Variants in TCF4 observed in about 807,000 individuals in gnomAD.
TCF4 encodes transcription factor 4.
TCF4 carries 3 observed loss-of-function variants against 82.1 expected under a neutral mutation model. The ratio of observed to expected loss-of-function variants is 0.04; its 90% confidence interval spans 0.02 to 0.09. The LOEUF (loss-of-function observed/expected upper bound fraction) is 0.09. Ranked by LOEUF, TCF4 falls within the 10% of genes least tolerant of loss-of-function variation. The pLI, the probability that TCF4 is intolerant of heterozygous loss-of-function variation, is 1.00. For missense variants in TCF4, 518 were observed against 852.7 expected (o/e 0.61, Z 4.89); for synonymous variants, 276 against 309.6 (o/e 0.89, Z 1.14).
At chr18:55,492,612 G>A (rs879099536) in intron 3 of TCF4, among the ~76,000 whole-genome samples, 5 of 152,130 alleles carry the variant, frequency 3.3e-5, no homozygotes, top group African/African-American at 1.2e-4. Flanking sequence ...TGTAAATTAG[G>A]CAAGCCTGCC....
chr18:55,379,557 G>A (rs540051051), intron 6 of TCF4, among the ~76,000 whole-genome samples: 2 of 152,132 alleles, frequency 1.3e-5, no homozygotes, highest in Non-Finnish European at 2.9e-5. Context: ...AGAAGAGGAG[G>A]GAGGAAGGGG....
At chr18:55,624,268 A>G (rs923853726) in intron 2 of TCF4, among the ~76,000 whole-genome samples, 1 of 151,844 alleles carries the variant, frequency 6.6e-6, no homozygotes, top group African/African-American at 2.4e-5. Context: ...TTGTATTTGA[A>G]GAGACCTCCA....
intron 3 of TCF4, among the ~76,000 whole-genome samples, chr18:55,543,001 A>G (rs796914383): frequency 7.2e-5 from 11 of 152,192 alleles, no homozygotes; most frequent in African/African-American, 2.6e-4. Flanking sequence ...AGGTTTGCAC[A>G]TATATTCTCC....
chr18:55,592,385 A>G (rs2097686518), upstream of TCF4, among the ~76,000 whole-genome samples: 1 of 152,066 alleles, frequency 6.6e-6, no homozygotes, highest in African/African-American at 2.4e-5. Flanking sequence ...CTGGCTTGCA[A>G]ATGATTACCT....
At chr18:55,266,442 G>A (rs1397124342) in intron 11 of TCF4, 1 of 152,118 alleles carries the variant, frequency 6.6e-6, no homozygotes, top group Non-Finnish European at 1.5e-5. Flanking sequence ...TTAACTGGGT[G>A]CGCCACCAGC....
In TCF4 at chr18:55,257,408, A is replaced by G. The variant is rs1352775525; in HGVS notation, c.1070-17T>C. The G allele has an allele frequency of 6.2e-7, 1 of 1,612,902 alleles. No homozygotes were observed. The highest frequency in any genetic ancestry group is 1.3e-5 in the African/African-American group (1 of 74,994). On this transcript the variant is annotated splice_polypyrimidine_tract_variant and intron_variant, in intron 13 of 19. Transcript: ENST00000354452. ...CTGTGCCTGCTGATATTAAAGTGGG[A>G]ATTACAATCAGATCTAGACACATGT...
chr18:55,405,794 T>C (rs2094056114), intron 5 of TCF4, among the ~76,000 whole-genome samples: 2 of 152,094 alleles, frequency 1.3e-5, no homozygotes, highest in Non-Finnish European at 2.9e-5. Flanking sequence ...GAGAAGAATA[T>C]GAATTCACGC....
chr18:55,501,894 C>G (rs56014717), intron 3 of TCF4, among the ~76,000 whole-genome samples: 1 of 151,976 alleles, frequency 6.6e-6, no homozygotes, highest in East Asian at 1.9e-4. Flanking sequence ...TCCAGAAGAC[C>G]CCCGCCCACC....
intron 18 of TCF4, 117 bp from the exon 19 acceptor site, chr18:55,228,478 A>C (rs2046972667): frequency 7.1e-7 from 1 of 1,417,946 alleles, no homozygotes; most frequent in Non-Finnish European, 9.8e-7. Context: ...ACAGAACAAA[A>C]GGAACAGTTA....
chr18:55,544,972 T>C (rs2097193667), intron 3 of TCF4, among the ~76,000 whole-genome samples: 1 of 152,194 alleles, frequency 6.6e-6, no homozygotes, highest in Non-Finnish European at 1.5e-5. Flanking sequence ...CACAGCCAGG[T>C]GTTACGAACA....
intron 8 of TCF4, chr18:55,322,006 A>G (rs2075615771): frequency 8.2e-7 from 1 of 1,217,214 alleles, no homozygotes; most frequent in Admixed American, 4.2e-5. Flanking sequence ...AGATCGATTC[A>G]ACTTTTCCGA....
intron 5 of TCF4, among the ~76,000 whole-genome samples, chr18:55,424,046 A>G (rs1178896649): frequency 6.6e-6 from 1 of 152,060 alleles, no homozygotes; most frequent in African/African-American, 2.4e-5. Flanking sequence ...AACCATCATT[A>G]CGCTCATTAA....
At chr18:55,620,987 G>T (rs1190164376) in intron 2 of TCF4, among the ~76,000 whole-genome samples, 1 of 151,894 alleles carries the variant, frequency 6.6e-6, no homozygotes, top group Non-Finnish European at 1.5e-5. Context: ...TTGATAGAGT[G>T]GGCCAATAGT....
In TCF4 at chr18:55,225,216, T is replaced by C. The variant is rs1463872604; in HGVS notation, c.*2819A>G. 2 of 152,558 alleles carry C rather than the reference T, an allele frequency of 1.3e-5. No homozygotes were observed. Among genetic ancestry groups the C allele is most frequent in the African/African-American group, 4.8e-5 (2 of 41,432 alleles). The allele number at this position is 152,558 out of a possible 1,614,324, so 9.5% of individuals were successfully genotyped here. ...CTTATTTCCAAAGGGAATTCAACAA[T>C]AGAGGTATTGCATTACTGAGTAATG... On this transcript the variant is annotated 3_prime_UTR_variant, in exon 20 of 20. Transcript: ENST00000354452.
intron 6 of TCF4, among the ~76,000 whole-genome samples, chr18:55,374,871 T>TAAAAAAAAAA: frequency 1.5e-5 from 1 of 67,146 alleles, no homozygotes; most frequent in Non-Finnish European, 2.8e-5. Context: ...AGGCCCTGTC[T>TAAAAAAAAAA]AAAAAAAAAA....
chr18:55,352,338 G>A lies in TCF4; in HGVS notation c.370-1335C>T, dbSNP rs756630464. 5.9e-5 allele frequency among the ~76,000 whole-genome samples: 9 copies of A among 151,912 alleles called. No homozygotes were observed. The South Asian group carries it at 1.0e-3, about 18-fold the overall frequency. ...AAAATTCAAACCTCCCCTTTCCACC[G>A]CCATATAGCTAAATATCATAAAGAG... On this transcript the variant is annotated intron_variant, in intron 6 of 19. Transcript: ENST00000354452.
intron 8 of TCF4, among the ~76,000 whole-genome samples, chr18:55,324,834 C>T (rs548730522): frequency 6.6e-6 from 1 of 152,078 alleles, no homozygotes; most frequent in Admixed American, 6.5e-5. Flanking sequence ...TCTTTTTCTG[C>T]CACTTTTGGG....
rs551760782 is a variant in TCF4, at chr18:55,282,942, G to A, written c.550-3286C>T. Among the ~76,000 whole-genome samples, 13 of 152,086 alleles carry A rather than the reference G, an allele frequency of 8.5e-5. No individual in the cohort carries two copies. The South Asian group carries it at 2.7e-3, about 32-fold the overall frequency. On this transcript the variant is annotated intron_variant, in intron 8 of 19. Transcript: ENST00000354452. ...AACTTTTGTTGCCGAATTGGAAATGGAAAGACTTGGTGAAACTCATAGGTC... is the reference window on the plus strand; with the variant it reads ...AACTTTTGTTGCCGAATTGGAAATGAAAAGACTTGGTGAAACTCATAGGTC...
chr18:55,475,188 C>T (rs999567775), intron 3 of TCF4, among the ~76,000 whole-genome samples: 4 of 152,218 alleles, frequency 2.6e-5, no homozygotes, highest in South Asian at 2.1e-4. Flanking sequence ...ACTGAATTGT[C>T]TATCTCTTTT....
Sources: gnomAD v4.1 joint callset for allele counts (sites outside exome capture counted in the v4.1 genomes callset) on GRCh38, gnomAD v4.1.1 for gene constraint, MANE v1.5 for transcripts, NCBI Gene and HGNC (gene_info 2026-07-23, HGNC 2026-07-21) for gene names.